Variants in PRKCH observed in about 807,000 individuals in gnomAD.
PRKCH encodes protein kinase C eta type.
A neutral mutation model predicts 82.5 loss-of-function variants in PRKCH; 28 were observed. The observed-to-expected ratio is 0.34, with a 90% CI of 0.25 to 0.47. The LOEUF (loss-of-function observed/expected upper bound fraction) is 0.47, where lower values mean the gene tolerates loss of function less well. PRKCH is among the 20% of genes least tolerant of loss of function. The probability of loss-of-function intolerance (pLI) is 1.00; values close to 1 mark genes in which losing one functional copy is unlikely to be tolerated. For missense variants in PRKCH, 705 were observed against 881.8 expected (o/e 0.80, Z 2.54); for synonymous variants, 322 against 327.4 (o/e 0.98, Z 0.18).
At chr14:61,378,389 TA>T (rs2140182249) in intron 1 of PRKCH, among the ~76,000 whole-genome samples, 1 of 152,152 alleles carries the variant, frequency 6.6e-6, no homozygotes, top group South Asian at 2.1e-4. Flanking sequence ...ATTTTTTTTA[TA>T]GAGATGGGGT....
At chr14:61,424,724 A>G (rs1024110853) in intron 2 of PRKCH, among the ~76,000 whole-genome samples, 1 of 152,264 alleles carries the variant, frequency 6.6e-6, no homozygotes, top group Non-Finnish European at 1.5e-5. Flanking sequence ...CCAAATGTTA[A>G]TCACCAAGAC....
intron 1 of PRKCH, among the ~76,000 whole-genome samples, chr14:61,210,161 T>TATATATATATATATATAA (rs1555369165): frequency 2.1e-5 from 2 of 95,150 alleles, no homozygotes; most frequent in African/African-American, 3.8e-5. Context: ...TATATATATA[T>TATATATATATATATATAA]AAATTAGCTT....
intron 10 of PRKCH, chr14:61,528,095 C>G (rs951652756): frequency 1.3e-5 from 2 of 150,746 alleles, no homozygotes; most frequent in African/African-American, 4.9e-5. Flanking sequence ...CCTGGTCTAT[C>G]CTGTCCATGT....
At chr14:61,548,019 C>T in intron 13 of PRKCH, 133 bp downstream of exon 13, 2 of 1,202,186 alleles carry the variant, frequency 1.7e-6, no homozygotes, top group South Asian at 3.1e-5. Flanking sequence ...CACAGGGCAG[C>T]CTCCCCTGGG....
chr14:61,343,474 G>T (rs1470929367), intron 1 of PRKCH, among the ~76,000 whole-genome samples: 1 of 152,046 alleles, frequency 6.6e-6, no homozygotes, highest in Non-Finnish European at 1.5e-5. Context: ...AGGAAATGAG[G>T]GTCTTCAACT....
Position 61,507,006 on chromosome 14 carries a change from A to T in PRKCH, c.1433+21350A>T, listed in dbSNP as rs181284138. Among the ~76,000 whole-genome samples, 8 of 152,328 alleles carry T rather than the reference A, an allele frequency of 5.3e-5. No individual in the cohort carries two copies. The East Asian group carries it at 1.3e-3, about 26-fold the overall frequency. ...GAAACACTTGACAAAATGGAAAGGC[A>T]ACCTATGGAAAGGGAGAAAATAGTT... On this transcript the variant is annotated intron_variant, in intron 10 of 13. Coordinates refer to ENST00000332981, the MANE Select transcript of PRKCH (RefSeq NM_006255.5).
At chr14:61,259,658 A>T (rs902109446) in intron 1 of PRKCH, among the ~76,000 whole-genome samples, 2 of 152,186 alleles carry the variant, frequency 1.3e-5, no homozygotes, top group East Asian at 3.8e-4. Context: ...ACTAGCCTAG[A>T]GCTCTGGTCA....
chr14:61,395,295 C>CCT lies in PRKCH; in HGVS notation c.427+4008_427+4009insTC, dbSNP rs1025222673. Among the ~76,000 whole-genome samples the CCT allele has an allele frequency of 4.8e-5, 7 of 146,488 alleles. 1 individual carries two copies. Among genetic ancestry groups the CCT allele is most frequent in the Non-Finnish European group, 1.1e-4 (7 of 65,444 alleles). ...TTAAGTAAGAAGGAAATGGAGCCCC[C>CCT]CCCCGCATTTGCCTGCCACAGCTGT... is the stretch of plus-strand genomic sequence containing the variant. On this transcript the variant is annotated intron_variant, in intron 2 of 13. Transcript: ENST00000332981.
intron 3 of PRKCH, among the ~76,000 whole-genome samples, chr14:61,444,602 A>G (rs1025866152): frequency 2.6e-5 from 4 of 152,012 alleles, no homozygotes; most frequent in Non-Finnish European, 5.9e-5. Flanking sequence ...CTCCACACCC[A>G]TACACTGTCA....
At chr14:61,454,491 G>T (rs1434429455) in intron 7 of PRKCH, among the ~76,000 whole-genome samples, 1 of 152,168 alleles carries the variant, frequency 6.6e-6, no homozygotes, top group African/African-American at 2.4e-5. Flanking sequence ...TTTGTCTGGG[G>T]ACCAGGCAGG....
In PRKCH at chr14:61,193,530, T is replaced by TA. The variant is rs200592851; in HGVS notation, c.-19+5872dup. 1.2e-3 allele frequency among the ~76,000 whole-genome samples: 173 copies of TA among 148,404 alleles called. 2 individuals are homozygous for TA. Among genetic ancestry groups the TA allele is most frequent in the Middle Eastern group, 7.1e-3 (2 of 282 alleles). ...GTGATTATCTGTTGTTTTAGAATAT[T>TA]AAAAAAAAAACAGAAATCATCCTGA... On this transcript the variant is annotated intron_variant, in intron 1 of 3. Coordinates refer to the PRKCH transcript ENST00000555185.
chr14:61,446,665 T>C (rs1231691668), intron 4 of PRKCH, among the ~76,000 whole-genome samples: 1 of 152,228 alleles, frequency 6.6e-6, no homozygotes, highest in African/African-American at 2.4e-5. Flanking sequence ...ATATAATCAA[T>C]ATGACAGCAA....
At chr14:61,331,262 C>T (rs1039536686) in intron 1 of PRKCH, among the ~76,000 whole-genome samples, 1 of 151,954 alleles carries the variant, frequency 6.6e-6, no homozygotes, top group Admixed American at 6.6e-5. Context: ...AGATTTGTGT[C>T]CTAGTATTTC....
chr14:61,549,642 A>G (rs1401453953), intron 13 of PRKCH, 43 bp from the exon 14 acceptor site: 2 of 1,602,290 alleles, frequency 1.2e-6, no homozygotes, highest in Non-Finnish European at 8.5e-7. Flanking sequence ...AGTAAGCCTC[A>G]AGCGCAAAAA....
intron 4 of PRKCH, among the ~76,000 whole-genome samples, 173 bp from the exon 5 acceptor site, chr14:61,448,991 G>T (rs1394073555): frequency 6.6e-6 from 1 of 152,134 alleles, no homozygotes; most frequent in Non-Finnish European, 1.5e-5. Context: ...CTGAGCAAAG[G>T]TCTGTGTTAG....
chr14:61,206,825 G>C (rs1260908613), intron 1 of PRKCH, among the ~76,000 whole-genome samples: 2 of 151,758 alleles, frequency 1.3e-5, no homozygotes, highest in African/African-American at 4.8e-5. Flanking sequence ...AAAAGATGTT[G>C]GTGGGGCACG....
intron 10 of PRKCH, among the ~76,000 whole-genome samples, chr14:61,512,960 G>A (rs1165296527): frequency 6.6e-6 from 1 of 151,980 alleles, no homozygotes; most frequent in Non-Finnish European, 1.5e-5. Context: ...GGGACTACAG[G>A]TACACACCAC....
chr14:61,244,230 A>C (rs574561392), intron 1 of PRKCH, among the ~76,000 whole-genome samples: 2 of 152,282 alleles, frequency 1.3e-5, no homozygotes, highest in South Asian at 4.1e-4. Context: ...GCTGCGGTCA[A>C]AATACAGCTG....
intron 10 of PRKCH, among the ~76,000 whole-genome samples, chr14:61,512,672 C>A (rs1409784508): frequency 6.6e-6 from 1 of 152,122 alleles, no homozygotes; most frequent in Non-Finnish European, 1.5e-5. Flanking sequence ...TCCTTTTCTT[C>A]CTGGCTGACC....
Sources: gnomAD v4.1 joint callset for allele counts (sites outside exome capture counted in the v4.1 genomes callset) on GRCh38, gnomAD v4.1.1 for gene constraint, MANE v1.5 for transcripts, NCBI Gene and HGNC (gene_info 2026-07-23, HGNC 2026-07-21) for gene names.